Variants in C2CD5 observed in about 807,000 individuals in gnomAD.
C2CD5 encodes C2 calcium dependent domain containing 5.
In C2CD5, 109 loss-of-function variants were observed where a neutral mutation model predicts 130.3. The observed-to-expected ratio is 0.84, with a 90% CI of 0.72 to 0.98. The LOEUF is 0.98. Among genes scored for constraint, C2CD5 ranks in the 50% least tolerant of loss-of-function variants. The probability of loss-of-function intolerance (pLI) is 0.00; values close to 1 mark genes in which losing one functional copy is unlikely to be tolerated. For synonymous variants in C2CD5, 454 were observed against 429.2 expected (o/e 1.06, Z -0.71); for missense variants, 996 against 1,261.8 (o/e 0.79, Z 3.19).
chr12:22,529,126 T>C (rs928893201), intron 3 of C2CD5, among the ~76,000 whole-genome samples: 8 of 152,172 alleles, frequency 5.3e-5, no homozygotes, highest in African/African-American at 1.7e-4. Context: ...CAGTAGAACG[T>C]AGACAGCTGT....
At position 22,527,883 on chromosome 12, in the gene C2CD5, C is replaced by T; in HGVS notation, c.187G>A (p.Glu63Lys). The change falls in exon 4 of 27, where the codon GAA (glutamate) becomes AAA (lysine). Residue 63 changes from glutamate (E) to lysine (K), a missense_variant. This residue lies in a region of C2CD5 where 68 missense variants were observed against 154.5 expected (regional missense o/e 0.44). Transcript: ENST00000446597. ...TGTAAAGGTTCATCTTGTAAGTCTT[C>T]ATCATCCACCTACAAGTATACCTTA... ...SEWFKFEVDD[E>K]DLQDEPLQIT... The T allele has an allele frequency of 6.2e-7, 1 of 1,602,116 alleles. No individual in the cohort carries two copies. The highest frequency in any genetic ancestry group is 1.1e-5 in the South Asian group (1 of 89,308).
chr12:22,474,038 T>A (rs1943458841), intron 16 of C2CD5, among the ~76,000 whole-genome samples: 1 of 152,132 alleles, frequency 6.6e-6, no homozygotes, highest in Non-Finnish European at 1.5e-5. Flanking sequence ...TCCTGACTCT[T>A]TAAACCTCCA....
At chr12:22,523,132 T>C (rs1157832017) in intron 7 of C2CD5, among the ~76,000 whole-genome samples, 1 of 152,120 alleles carries the variant, frequency 6.6e-6, no homozygotes, top group African/African-American at 2.4e-5. Context: ...GAGGATCACC[T>C]GAGCCTAGAA....
intron 22 of C2CD5, among the ~76,000 whole-genome samples, chr12:22,460,265 A>G (rs1396749279): frequency 2.6e-5 from 4 of 152,204 alleles, no homozygotes; most frequent in African/African-American, 9.6e-5. Flanking sequence ...CCTATTTTTA[A>G]TGCTCATGTT....
intron 10 of C2CD5, among the ~76,000 whole-genome samples, chr12:22,503,793 T>C (rs572412238): frequency 1.6e-4 from 24 of 152,314 alleles, no homozygotes; most frequent in African/African-American, 5.3e-4. Context: ...ATTACAGGTG[T>C]AAGCAACCGT....
intron 10 of C2CD5, among the ~76,000 whole-genome samples, chr12:22,504,688 G>C (rs1311353748): frequency 6.6e-6 from 1 of 152,110 alleles, no homozygotes; most frequent in African/African-American, 2.4e-5. Flanking sequence ...CAGATCAGTG[G>C]GTGCCATCTA....
intron 6 of C2CD5, 70 bp downstream of exon 6, chr12:22,524,402 T>C (rs1950555059): frequency 1.6e-6 from 2 of 1,287,202 alleles, no homozygotes; most frequent in East Asian, 2.4e-5. Context: ...TGAGGTAGCA[T>C]GTCAAAGGAA....
At chr12:22,541,537 A>G (rs1952382004) in intron 2 of C2CD5, among the ~76,000 whole-genome samples, 1 of 152,178 alleles carries the variant, frequency 6.6e-6, no homozygotes, top group African/African-American at 2.4e-5. Context: ...ACTACGTGCC[A>G]GCCACACGCA....
Position 22,472,161 on chromosome 12 carries a change from G to A in C2CD5, c.2170-96C>T, listed in dbSNP as rs1943139719. 5 of 854,768 alleles carry A rather than the reference G, an allele frequency of 5.8e-6. No individual in the cohort carries two copies. The Admixed American group carries it at 1.2e-4, about 21-fold the overall frequency. The allele number at this position is 854,768 out of a possible 1,614,324, so 52.9% of individuals were successfully genotyped here. ...CAAATAATGAACAATACTAACTAAT[G>A]TAGTAGAATAAGGATGGTATTTTAA... On this transcript the variant is annotated intron_variant, in intron 18 of 26. Transcript: ENST00000446597.
intron 10 of C2CD5, among the ~76,000 whole-genome samples, chr12:22,493,998 G>C (rs1946689122): frequency 6.6e-6 from 1 of 151,834 alleles, no homozygotes; most frequent in African/African-American, 2.4e-5. Flanking sequence ...CCATGTATTG[G>C]TCTGTAATTT....
intron 22 of C2CD5, 132 bp downstream of exon 22, chr12:22,469,577 T>G: frequency 2.0e-6 from 1 of 502,792 alleles, no homozygotes; most frequent in South Asian, 3.8e-5. Flanking sequence ...TTTATGAATA[T>G]GAAGAAACAT....
intron 22 of C2CD5, among the ~76,000 whole-genome samples, chr12:22,459,758 G>C (rs1261462348): frequency 6.6e-6 from 1 of 152,168 alleles, no homozygotes; most frequent in Non-Finnish European, 1.5e-5. Flanking sequence ...TGCCAAAGGA[G>C]ACTACTTGCT....
intron 14 of C2CD5, among the ~76,000 whole-genome samples, chr12:22,480,553 C>T (rs760351109): frequency 3.3e-5 from 5 of 152,170 alleles, no homozygotes; most frequent in Admixed American, 6.5e-5. Context: ...TCTTGAATTA[C>T]ATCAGTGTCA....
At chr12:22,472,951 G>C in intron 16 of C2CD5, 144 bp from the exon 17 acceptor site, 1 of 598,152 alleles carries the variant, frequency 1.7e-6, no homozygotes. Flanking sequence ...TCTAATATCA[G>C]TAAATTTCTC....
intron 10 of C2CD5, 82 bp from the exon 11 acceptor site, chr12:22,493,419 A>C (rs969496215): frequency 4.1e-5 from 28 of 681,842 alleles, no homozygotes; most frequent in Non-Finnish European, 6.1e-5. Context: ...TAAACATACT[A>C]TGGGAAGTAA....
intron 8 of C2CD5, among the ~76,000 whole-genome samples, chr12:22,514,076 G>A (rs1949473083): frequency 6.6e-6 from 1 of 151,710 alleles, no homozygotes; most frequent in Non-Finnish European, 1.5e-5. Context: ...TATTTTTTAC[G>A]GCTTAATTTT....
intron 7 of C2CD5, chr12:22,519,326 CT>C (rs2136969297): frequency 8.4e-7 from 1 of 1,197,488 alleles, no homozygotes; most frequent in Non-Finnish European, 1.1e-6. Context: ...TTCAAAGGAG[CT>C]TTAGTCAGGG....
rs1944008454 is a variant in C2CD5, at chr12:22,477,476, T to G, written c.1902+837A>C. 2.6e-5 allele frequency: 4 copies of G among 152,148 alleles called. No individual in the cohort carries two copies. In the South Asian group the frequency reaches 6.2e-4, roughly 24 times the overall value. The allele number at this position is 152,148 out of a possible 1,614,324, so 9.4% of individuals were successfully genotyped here. ...GACCAGCCAAAATTAGATAAGACGT[T>G]TAAAATAATAAAAGCAATAATGTTA... On this transcript the variant is annotated intron_variant, in intron 15 of 26. Coordinates refer to ENST00000446597, the MANE Select transcript of C2CD5 (RefSeq NM_001286176.2).
At chr12:22,507,029 C>A in intron 9 of C2CD5, 1 of 399,172 alleles carries the variant, frequency 2.5e-6, no homozygotes, top group Non-Finnish European at 4.6e-6. Flanking sequence ...ATACAGAATC[C>A]AAAGACCCAT....
Sources: gnomAD v4.1 joint callset for allele counts (sites outside exome capture counted in the v4.1 genomes callset) on GRCh38, gnomAD v4.1.1 for gene constraint, gnomAD v4.1.1 regional missense constraint, MANE v1.5 for transcripts, NCBI Gene and HGNC (gene_info 2026-07-23, HGNC 2026-07-21) for gene names.